KCTD14: variants seen among roughly 807,000 people sequenced by gnomAD.
KCTD14 encodes the protein BTB/POZ domain-containing protein KCTD14.
A neutral mutation model predicts 5.9 loss-of-function variants in KCTD14; 7 were observed. The observed-to-expected ratio is 1.19, with a 90% confidence interval of 0.68 to 2.23. KCTD14 has a LOEUF of 2.23. Ranked by LOEUF, KCTD14 falls within the 30% of genes most tolerant of loss-of-function variation. The probability of loss-of-function intolerance (pLI) is 0.00; values close to 1 mark genes in which losing one functional copy is unlikely to be tolerated. For synonymous variants in KCTD14, 140 were observed against 133.1 expected (o/e 1.05, Z -0.36); for missense variants, 342 against 332.2 (o/e 1.03, Z -0.23).
intron 2 of KCTD14, among the ~76,000 whole-genome samples, chr11:78,034,004 C>A (rs1857716706): frequency 6.6e-6 from 1 of 151,428 alleles, no homozygotes; most frequent in Admixed American, 6.6e-5. Flanking sequence ...GTCATCATTA[C>A]CTCTGGAAAG....
At chr11:78,027,094 G>A (rs7935703), upstream of KCTD14, among the ~76,000 whole-genome samples, 59,767 of 151,536 alleles carry the variant, frequency 0.39, 12,031 homozygotes, top group Admixed American at 0.49. Context: ...GCGAGAATCC[G>A]TCTCAAAAAA....
exon 1 of KCTD14, chr11:78,046,139 C>G: frequency 2.0e-6 from 2 of 985,364 alleles, no homozygotes; most frequent in Non-Finnish European, 2.4e-6. Context: ...AAAAAGGAGT[C>G]CACAGAATCA....
chr11:78,023,350 G>A, upstream of KCTD14: 3 of 1,117,960 alleles, frequency 2.7e-6, no homozygotes, highest in East Asian at 2.5e-5. Flanking sequence ...GTGGCTTGCA[G>A]TGAGACTGGG....
intron 2 of KCTD14, among the ~76,000 whole-genome samples, chr11:78,038,408 C>T (rs1048498338): frequency 2.6e-5 from 4 of 152,334 alleles, no homozygotes; most frequent in African/African-American, 9.6e-5. Context: ...CCCAGGACCA[C>T]GTGCAAACAA....
At chr11:78,023,344 C>T (rs919004156), upstream of KCTD14, 7 of 1,249,786 alleles carry the variant, frequency 5.6e-6, no homozygotes, top group South Asian at 2.5e-5. Flanking sequence ...CCAGGCGTGG[C>T]TTGCAGTGAG....
chr11:78,016,992 C>G lies in KCTD14; in HGVS notation c.369G>C (p.Glu123Asp). 3 of 1,614,242 alleles carry G rather than the reference C, an allele frequency of 1.9e-6. No individual in the cohort carries two copies. Among genetic ancestry groups the G allele is most frequent in the Non-Finnish European group, 2.5e-6 (3 of 1,180,050 alleles). ...YEIKPLVKLL[E>D]DMPQIFGEQV... is the part of the protein sequence containing the mutation. Reference sequence around the variant, plus strand: ...GCTCACCAAAGATCTGTGGCATGTCCTCCAGCAGCTTGACCAAAGGCTTGA... The same window carrying G: ...GCTCACCAAAGATCTGTGGCATGTCGTCCAGCAGCTTGACCAAAGGCTTGA... The change falls in exon 2 of 2, where the codon GAG becomes GAC. Residue 123 changes from glutamate to aspartate, a missense_variant. Coordinates refer to ENST00000353172, the MANE Select transcript of KCTD14 (RefSeq NM_023930.4).
intron 2 of KCTD14, among the ~76,000 whole-genome samples, chr11:78,034,164 G>A (rs2136744080): frequency 6.6e-6 from 1 of 152,060 alleles, no homozygotes; most frequent in East Asian, 1.9e-4. Context: ...CTGTCACCCA[G>A]GCTGGAGTTC....
At chr11:78,029,767 A>C (rs1431551922) in intron 2 of KCTD14, among the ~76,000 whole-genome samples, 4 of 151,032 alleles carry the variant, frequency 2.6e-5, no homozygotes, top group Non-Finnish European at 5.9e-5. Flanking sequence ...AAGGAATCTC[A>C]GACAAGACTT....
chr11:78,018,103 CCAACAATAACAACAA>C (rs1282757558), intron 1 of KCTD14, among the ~76,000 whole-genome samples: 1 of 151,844 alleles, frequency 6.6e-6, no homozygotes, highest in African/African-American at 2.4e-5. Context: ...TCTCAAAAAA[CCAACAATAACAACAA>C]CAACAATAAC....
intron 1 of KCTD14, among the ~76,000 whole-genome samples, chr11:78,017,769 C>A (rs1438096350): frequency 2.0e-5 from 3 of 152,164 alleles, no homozygotes; most frequent in East Asian, 1.9e-4. Flanking sequence ...AAAAAGAATA[C>A]CCATTCAAGC....
chr11:78,039,361 AC>A (rs1857923335), intron 1 of KCTD14, among the ~76,000 whole-genome samples: 2 of 136,562 alleles, frequency 1.5e-5, no homozygotes, highest in Non-Finnish European at 3.1e-5. Flanking sequence ...TACAAAAAAT[AC>A]AAAAAAAATA....
intron 2 of KCTD14, among the ~76,000 whole-genome samples, chr11:78,031,094 C>T (rs1483726836): frequency 6.9e-6 from 1 of 145,590 alleles, no homozygotes; most frequent in African/African-American, 2.6e-5. Flanking sequence ...GTCACCCAGA[C>T]TCTAGGCTGG....
chr11:78,038,539 C>T (rs1195045220), intron 2 of KCTD14: 1 of 1,137,124 alleles, frequency 8.8e-7, no homozygotes, highest in Non-Finnish European at 1.2e-6. Context: ...CCCCATCTGG[C>T]TCCCCGCTCA....
chr11:78,027,042 T>G (rs532797311), upstream of KCTD14, among the ~76,000 whole-genome samples: 6 of 152,128 alleles, frequency 3.9e-5, no homozygotes, highest in South Asian at 6.2e-4. Context: ...GAGGTTGCAG[T>G]GAGCCGAGAT....
upstream of KCTD14, among the ~76,000 whole-genome samples, chr11:78,028,095 A>C (rs1857513388): frequency 6.6e-6 from 1 of 152,042 alleles, no homozygotes. Context: ...GGGGGCTGAG[A>C]CTTTCATTTT....
intron 2 of KCTD14, among the ~76,000 whole-genome samples, chr11:78,031,410 G>A (rs1360420863): frequency 6.6e-6 from 1 of 151,942 alleles, no homozygotes; most frequent in African/African-American, 2.4e-5. Flanking sequence ...ACAGGGTCTT[G>A]CTCTGTTGCC....
At chr11:78,021,376 C>T (rs933170299) in intron 1 of KCTD14, among the ~76,000 whole-genome samples, 1 of 150,810 alleles carries the variant, frequency 6.6e-6, no homozygotes, top group African/African-American at 2.4e-5. Flanking sequence ...TCAAACAAGA[C>T]CTCAGCCGTG....
At chr11:78,040,208 G>A (rs1274911755) in intron 1 of KCTD14, among the ~76,000 whole-genome samples, 4 of 152,176 alleles carry the variant, frequency 2.6e-5, no homozygotes, top group African/African-American at 4.8e-5. Flanking sequence ...CCCGTTTCCC[G>A]TGTCATGTCT....
chr11:78,028,273 C>G (rs1311207905), upstream of KCTD14, among the ~76,000 whole-genome samples: 1 of 151,876 alleles, frequency 6.6e-6, no homozygotes, highest in African/African-American at 2.4e-5. Flanking sequence ...TCAAGGTCAC[C>G]CAAAAGAGGA....
Sources: gnomAD v4.1 joint callset for allele counts (sites outside exome capture counted in the v4.1 genomes callset) on GRCh38, gnomAD v4.1.1 for gene constraint, MANE v1.5 for transcripts, NCBI Gene and HGNC (gene_info 2026-07-23, HGNC 2026-07-21) for gene names.